C12orf42: variants seen among roughly 807,000 people sequenced by gnomAD.
C12orf42 encodes uncharacterized protein C12orf42.
In C12orf42, 25 loss-of-function variants were observed where a neutral mutation model predicts 21.6. That is an observed-to-expected ratio of 1.16 (90% CI 0.84 to 1.62). The LOEUF is 1.62. Among genes scored for constraint, C12orf42 ranks in the 40% most tolerant of loss-of-function variants. The probability of loss-of-function intolerance (pLI) is 0.00; values close to 1 mark genes in which losing one functional copy is unlikely to be tolerated. For synonymous variants in C12orf42, 174 were observed against 175.0 expected (o/e 0.99, Z 0.05); for missense variants, 483 against 459.3 (o/e 1.05, Z -0.47).
chr12:103,235,452 C>T (rs997231756), downstream of C12orf42, among the ~76,000 whole-genome samples: 1 of 152,100 alleles, frequency 6.6e-6, no homozygotes, highest in African/African-American at 2.4e-5. Flanking sequence ...TTGAACCAGC[C>T]TTGCATACCT....
At chr12:103,477,451 T>G (rs564620488) in intron 2 of C12orf42, among the ~76,000 whole-genome samples, 1 of 152,216 alleles carries the variant, frequency 6.6e-6, no homozygotes, top group South Asian at 2.1e-4. Flanking sequence ...CAGATGTTCA[T>G]GTCCTAATGC....
At chr12:103,066,957 A>G in the C12orf42 span, among the ~76,000 whole-genome samples, 1 of 152,178 alleles carries the variant, frequency 6.6e-6, no homozygotes, top group East Asian at 1.9e-4. Flanking sequence ...CAAAGTGGCC[A>G]TGGTGGCAGG....
the C12orf42 span, among the ~76,000 whole-genome samples, chr12:103,138,964 T>C: frequency 6.6e-6 from 1 of 152,238 alleles, no homozygotes; most frequent in African/African-American, 2.4e-5. Flanking sequence ...ATCATGTATC[T>C]GTATTGTTCT....
the C12orf42 span, among the ~76,000 whole-genome samples, chr12:103,523,896 A>G: frequency 1.6e-4 from 24 of 151,954 alleles, no homozygotes; most frequent in African/African-American, 5.8e-4. Context: ...TGGAGCTAAG[A>G]TCAGGATGGA....
At chr12:103,464,561 T>G (rs1301878070) in intron 2 of C12orf42, among the ~76,000 whole-genome samples, 1 of 152,176 alleles carries the variant, frequency 6.6e-6, no homozygotes, top group Non-Finnish European at 1.5e-5. Context: ...CAGAAGCTCT[T>G]TAGTTTAATT....
chr12:103,132,367 A>G, the C12orf42 span, among the ~76,000 whole-genome samples: 30 of 152,180 alleles, frequency 2.0e-4, no homozygotes, highest in Admixed American at 1.8e-3. Flanking sequence ...AAAGTAGATG[A>G]GTGACCCTCA....
intron 2 of C12orf42, among the ~76,000 whole-genome samples, chr12:103,432,819 G>C (rs1950365725): frequency 6.6e-6 from 1 of 152,150 alleles, no homozygotes; most frequent in Non-Finnish European, 1.5e-5. Context: ...CAAGAAGGTG[G>C]CCATCAGCAA....
intron 2 of C12orf42, among the ~76,000 whole-genome samples, chr12:103,472,810 G>A (rs1317849557): frequency 6.6e-6 from 1 of 152,220 alleles, no homozygotes; most frequent in South Asian, 2.1e-4. Flanking sequence ...CACATTCAGA[G>A]AGAAGCAGGG....
At chr12:103,289,615 T>G (rs934440070) in intron 4 of C12orf42, among the ~76,000 whole-genome samples, 2 of 152,196 alleles carry the variant, frequency 1.3e-5, no homozygotes, top group Non-Finnish European at 2.9e-5. Context: ...AATTAAATTA[T>G]ACTACAATGA....
the C12orf42 span, among the ~76,000 whole-genome samples, chr12:103,228,997 C>A: frequency 2.0e-5 from 3 of 152,042 alleles, no homozygotes; most frequent in African/African-American, 7.2e-5. Flanking sequence ...TCATTCCATT[C>A]ATTCATTGAT....
chr12:103,546,131 G>A, the C12orf42 span, among the ~76,000 whole-genome samples: 8 of 152,308 alleles, frequency 5.3e-5, no homozygotes, highest in South Asian at 1.7e-3. Context: ...AGGAGATGGG[G>A]ATGACGCCAA....
At chr12:103,405,413 G>T (rs2048348341) in intron 2 of C12orf42, among the ~76,000 whole-genome samples, 1 of 152,152 alleles carries the variant, frequency 6.6e-6, no homozygotes, top group South Asian at 2.1e-4. Flanking sequence ...GTGTGGAGGG[G>T]CATGTTCCAA....
intron 10 of C12orf42, among the ~76,000 whole-genome samples, chr12:103,241,824 T>C (rs555081496): frequency 6.6e-6 from 1 of 152,316 alleles, no homozygotes; most frequent in African/African-American, 2.4e-5. Context: ...AAAGGAAGCC[T>C]GAAAACATGT....
chr12:103,410,185 C>T (rs552219932), intron 2 of C12orf42, among the ~76,000 whole-genome samples: 1 of 152,278 alleles, frequency 6.6e-6, no homozygotes, highest in South Asian at 2.1e-4. Context: ...AGACTTCAAA[C>T]TCAACTGTTT....
chr12:103,225,795 AG>A, the C12orf42 span, among the ~76,000 whole-genome samples: 1 of 152,218 alleles, frequency 6.6e-6, no homozygotes, highest in East Asian at 1.9e-4. Context: ...CAAGGGAAAC[AG>A]GCCCTTGAAA....
upstream of C12orf42, among the ~76,000 whole-genome samples, chr12:103,496,817 A>AC (rs1474344828): frequency 6.3e-5 from 9 of 143,658 alleles, no homozygotes; most frequent in East Asian, 2.0e-3. Context: ...AGCCGGGAAA[A>AC]AAAAAAAAAA....
intron 5 of C12orf42, among the ~76,000 whole-genome samples, chr12:103,272,378 T>C (rs2035523578): frequency 6.6e-6 from 1 of 152,084 alleles, no homozygotes; most frequent in South Asian, 2.1e-4. Context: ...GCAAAATTAT[T>C]TACTCCCTAC....
chr12:103,306,924 G>A (rs2038401117), intron 4 of C12orf42, among the ~76,000 whole-genome samples: 1 of 152,056 alleles, frequency 6.6e-6, no homozygotes, highest in Admixed American at 6.6e-5. Context: ...AGACACAGAG[G>A]GAAGACCCAG....
the C12orf42 span, among the ~76,000 whole-genome samples, chr12:103,510,834 C>A: frequency 4.6e-5 from 7 of 152,134 alleles, no homozygotes; most frequent in Non-Finnish European, 1.0e-4. Context: ...GTTCTTCACC[C>A]ATCCTTAATC....
Sources: gnomAD v4.1 joint callset for allele counts (sites outside exome capture counted in the v4.1 genomes callset) on GRCh38, gnomAD v4.1.1 for gene constraint, MANE v1.5 for transcripts, NCBI Gene and HGNC (gene_info 2026-07-23, HGNC 2026-07-21) for gene names.